APLF: variants seen among roughly 807,000 people sequenced by gnomAD.
APLF encodes the protein aprataxin and PNKP like factor, also known as aprataxin and PNK-like factor.
In APLF, 61 loss-of-function variants were observed where a neutral mutation model predicts 55.6. The observed-to-expected ratio is 1.10, with a 90% confidence interval of 0.89 to 1.36. APLF has a LOEUF of 1.36. Among genes scored for constraint, APLF ranks in the 40% most tolerant of loss-of-function variants. The pLI is 0.00. For synonymous variants in APLF, 207 were observed against 214.8 expected (o/e 0.96, Z 0.32); for missense variants, 611 against 602.5 (o/e 1.01, Z -0.15).
chr2:68,559,468 C>T (rs1298976921), intron 8 of APLF, among the ~76,000 whole-genome samples: 2 of 151,936 alleles, frequency 1.3e-5, no homozygotes, highest in Non-Finnish European at 2.9e-5. Context: ...TCAAATTTAC[C>T]ACCTCTAAGT....
At chr2:68,576,974 C>T (rs550964123) in intron 9 of APLF, among the ~76,000 whole-genome samples, 2 of 152,176 alleles carry the variant, frequency 1.3e-5, no homozygotes, top group East Asian at 1.9e-4. Context: ...CTCTGTAGCT[C>T]GCTGTGGAAA....
intron 7 of APLF, among the ~76,000 whole-genome samples, chr2:68,541,308 T>G (rs1670540606): frequency 6.6e-6 from 1 of 152,092 alleles, no homozygotes. Flanking sequence ...AAAATTAAAA[T>G]TACCCTTTAT....
chr2:68,498,511 T>TC (rs1477250834), intron 2 of APLF, among the ~76,000 whole-genome samples: 2 of 152,244 alleles, frequency 1.3e-5, no homozygotes, highest in Non-Finnish European at 2.9e-5. Context: ...CTGCCTTTTT[T>TC]CCCTCTAATA....
At chr2:68,532,045 A>G (rs1370228473) in intron 6 of APLF, among the ~76,000 whole-genome samples, 1 of 152,186 alleles carries the variant, frequency 6.6e-6, no homozygotes, top group East Asian at 1.9e-4. Context: ...GCTCTCTGGT[A>G]AAGCTGAGCC....
intron 5 of APLF, among the ~76,000 whole-genome samples, chr2:68,516,955 AAT>A (rs1381404675): frequency 7.9e-6 from 1 of 126,272 alleles, no homozygotes; most frequent in Non-Finnish European, 1.6e-5. Context: ...TATATAATAT[AAT>A]ATATAATAAT....
intron 6 of APLF, among the ~76,000 whole-genome samples, chr2:68,534,272 T>C (rs943744060): frequency 6.6e-6 from 1 of 152,154 alleles, no homozygotes; most frequent in Non-Finnish European, 1.5e-5. Context: ...GAGAAAGAAA[T>C]GTCTGGCTAT....
At chr2:68,517,435 CTA>C (rs201727599) in intron 5 of APLF, among the ~76,000 whole-genome samples, 8,506 of 131,182 alleles carry the variant, frequency 0.065, 1,118 homozygotes, top group African/African-American at 0.22. Flanking sequence ...ATTAATATAT[CTA>C]TATATGTTAT....
intron 5 of APLF, among the ~76,000 whole-genome samples, chr2:68,524,863 C>T (rs1467723731): frequency 6.6e-6 from 1 of 152,174 alleles, no homozygotes; most frequent in Non-Finnish European, 1.5e-5. Context: ...GGACAATTTG[C>T]CATGGACAAT....
At chr2:68,571,011 C>T (rs2104076797) in intron 9 of APLF, among the ~76,000 whole-genome samples, 1 of 152,300 alleles carries the variant, frequency 6.6e-6, no homozygotes, top group Non-Finnish European at 1.5e-5. Context: ...GATGGTATCT[C>T]ATTGTGGTTT....
chr2:68,509,727 C>T (rs1485599328), intron 3 of APLF, among the ~76,000 whole-genome samples: 1 of 152,000 alleles, frequency 6.6e-6, no homozygotes, highest in Non-Finnish European at 1.5e-5. Context: ...GGTATATACT[C>T]AAAGGAATAT....
chr2:68,542,594 A>G (rs1670586178), intron 7 of APLF, among the ~76,000 whole-genome samples: 1 of 152,194 alleles, frequency 6.6e-6, no homozygotes, highest in African/African-American at 2.4e-5. Context: ...CCATAACCAC[A>G]TTGAGATATC....
At chr2:68,501,468 T>G (rs1676721056) in intron 2 of APLF, among the ~76,000 whole-genome samples, 1 of 152,070 alleles carries the variant, frequency 6.6e-6, no homozygotes. Context: ...GTAGATTGCT[T>G]TGTCATATCC....
intron 5 of APLF, among the ~76,000 whole-genome samples, chr2:68,518,330 A>T (rs1432896979): frequency 6.2e-5 from 7 of 113,520 alleles, no homozygotes; most frequent in East Asian, 2.5e-4. Context: ...TATATAATAT[A>T]TTAATAAATA....
intron 8 of APLF, among the ~76,000 whole-genome samples, chr2:68,556,577 T>C (rs1671020070): frequency 6.6e-6 from 1 of 152,216 alleles, no homozygotes; most frequent in Admixed American, 6.5e-5. Flanking sequence ...GCAGTGTGTA[T>C]TCCTGTTCTT....
Position 68,513,556 on chromosome 2 carries a change from A to G in APLF, c.498A>G (p.Leu166=). ...TATAGGTGTCTTTTTAGTCTTTCCT[A>G]GGTGAAAATAGAGACTGCAATAAGC... ...QMTPTNSVSF[L]GENRDCNKQQ... Residue 166 remains leucine (L), a synonymous_variant, in exon 5 of 10, where the codon CTA becomes CTG. Transcript: ENST00000303795. 1 of 1,610,250 alleles carries G rather than the reference A, an allele frequency of 6.2e-7. No individual in the cohort carries two copies. Among genetic ancestry groups the G allele is most frequent in the Non-Finnish European group, 8.5e-7 (1 of 1,177,842 alleles).
chr2:68,575,557 A>T (rs957652736), intron 9 of APLF, among the ~76,000 whole-genome samples: 1 of 152,072 alleles, frequency 6.6e-6, no homozygotes, highest in African/African-American at 2.4e-5. Flanking sequence ...GAAGAAAATG[A>T]TAGTATTGGG....
At chr2:68,516,669 T>C (rs1307791615) in intron 5 of APLF, among the ~76,000 whole-genome samples, 1 of 150,230 alleles carries the variant, frequency 6.7e-6, no homozygotes, top group African/African-American at 2.4e-5. Flanking sequence ...CTCCCACTTA[T>C]AAATGAGAAA....
intron 3 of APLF, among the ~76,000 whole-genome samples, chr2:68,505,094 A>C (rs1312091451): frequency 1.3e-5 from 2 of 152,082 alleles, no homozygotes; most frequent in East Asian, 3.9e-4. Context: ...GTAAGTGGAA[A>C]AAAATGTCAG....
intron 7 of APLF, among the ~76,000 whole-genome samples, chr2:68,539,138 T>G (rs1670482176): frequency 6.6e-6 from 1 of 152,258 alleles, no homozygotes; most frequent in African/African-American, 2.4e-5. Context: ...TAGTTCTGAT[T>G]TATGCTTTTT....
Sources: gnomAD v4.1 joint callset for allele counts (sites outside exome capture counted in the v4.1 genomes callset) on GRCh38, gnomAD v4.1.1 for gene constraint, MANE v1.5 for transcripts, NCBI Gene and HGNC (gene_info 2026-07-23, HGNC 2026-07-21) for gene names.